SPTBN1: variants seen among roughly 807,000 people sequenced by gnomAD.
SPTBN1 encodes the protein spectrin beta chain, non-erythrocytic 1.
Under a neutral mutation model 266.4 loss-of-function variants are expected in SPTBN1, and 32 were observed. That is an observed-to-expected ratio of 0.12 (90% confidence interval 0.09 to 0.16). SPTBN1 has a LOEUF of 0.16. SPTBN1 is among the 10% of genes least tolerant of loss of function. The pLI, the probability that SPTBN1 is intolerant of heterozygous loss-of-function variation, is 1.00. For synonymous variants in SPTBN1, 1,336 were observed against 1,162.2 expected (o/e 1.15, Z -3.04); for missense variants, 2,296 against 3,067.1 (o/e 0.75, Z 5.94).
intron 2 of SPTBN1, among the ~76,000 whole-genome samples, chr2:54,578,828 A>G (rs1233599081): frequency 2.0e-5 from 3 of 151,844 alleles, no homozygotes; most frequent in African/African-American, 7.3e-5. Context: ...CCACTTCAAG[A>G]GTCCAGAATC....
chr2:54,643,431 G>C (rs554857155), intron 19 of SPTBN1, among the ~76,000 whole-genome samples: 3 of 152,322 alleles, frequency 2.0e-5, no homozygotes, highest in African/African-American at 7.2e-5. Flanking sequence ...CTCTCATGCA[G>C]GGATTCCACT....
At chr2:54,529,678 G>A (rs1211724813) in intron 2 of SPTBN1, 4 of 720,612 alleles carry the variant, frequency 5.6e-6, no homozygotes, top group Admixed American at 3.5e-5. Context: ...AGATCAAACA[G>A]GCTGTGAAGA....
chr2:54,578,524 A>G (rs1352658193), intron 2 of SPTBN1, among the ~76,000 whole-genome samples: 2 of 152,152 alleles, frequency 1.3e-5, no homozygotes, highest in Non-Finnish European at 2.9e-5. Context: ...TTGTGTTTTC[A>G]GGCCACCTTT....
At chr2:54,627,211 G>T (rs1052193121) in intron 12 of SPTBN1, among the ~76,000 whole-genome samples, 1 of 152,188 alleles carries the variant, frequency 6.6e-6, no homozygotes, top group South Asian at 2.1e-4. Flanking sequence ...CAGATTTACA[G>T]TGTTCTTAGG....
intron 1 of SPTBN1, among the ~76,000 whole-genome samples, chr2:54,514,231 A>G (rs1326786603): frequency 6.6e-6 from 1 of 152,228 alleles, no homozygotes; most frequent in Non-Finnish European, 1.5e-5. Flanking sequence ...ATACTGTATA[A>G]TAATGATAAT....
chr2:54,593,320 T>G (rs1011654568), intron 2 of SPTBN1, among the ~76,000 whole-genome samples: 6 of 152,202 alleles, frequency 3.9e-5, no homozygotes, highest in Non-Finnish European at 8.8e-5. Context: ...AGACCATTGT[T>G]AGGAGCCCTT....
intron 18 of SPTBN1, 68 bp downstream of exon 18, chr2:54,637,871 C>A: frequency 7.7e-7 from 1 of 1,298,456 alleles, no homozygotes. Context: ...GCATTTAGCA[C>A]AAGAGCCTTT....
intron 29 of SPTBN1, among the ~76,000 whole-genome samples, chr2:54,657,469 C>G (rs1261735699): frequency 6.6e-6 from 1 of 152,162 alleles, no homozygotes; most frequent in Non-Finnish European, 1.5e-5. Context: ...CTTGAAATGT[C>G]TCAAATTGAG....
chr2:54,508,618 T>A (rs1665049354), intron 1 of SPTBN1, among the ~76,000 whole-genome samples: 1 of 152,076 alleles, frequency 6.6e-6, no homozygotes, highest in South Asian at 2.1e-4. Context: ...GGAAGGAGAT[T>A]TTTCTTTGGT....
At chr2:54,636,537 T>C (rs1213171130) in intron 17 of SPTBN1, among the ~76,000 whole-genome samples, 3 of 152,230 alleles carry the variant, frequency 2.0e-5, no homozygotes, top group African/African-American at 4.8e-5. Context: ...CATGCATCTC[T>C]ACTCTAAGAT....
chr2:54,547,939 C>G (rs544030782), intron 2 of SPTBN1, among the ~76,000 whole-genome samples: 2 of 151,832 alleles, frequency 1.3e-5, no homozygotes, highest in Non-Finnish European at 2.9e-5. Flanking sequence ...GTCAGGAGAT[C>G]GAGACCATCC....
intron 1 of SPTBN1, among the ~76,000 whole-genome samples, chr2:54,479,453 TG>T (rs1185070344): frequency 1.3e-5 from 2 of 152,260 alleles, no homozygotes; most frequent in Non-Finnish European, 2.9e-5. Flanking sequence ...ACCCTGCCTC[TG>T]CTGGTTACTG....
chr2:54,541,556 A>G (rs969836446), intron 2 of SPTBN1, among the ~76,000 whole-genome samples: 2 of 152,126 alleles, frequency 1.3e-5, no homozygotes, highest in African/African-American at 2.4e-5. Context: ...GCATGCCCAC[A>G]TGTGGATTTT....
chr2:54,609,278 G>T (rs1677061729), intron 3 of SPTBN1, among the ~76,000 whole-genome samples: 1 of 152,142 alleles, frequency 6.6e-6, no homozygotes, highest in Non-Finnish European at 1.5e-5. Context: ...TGTGGTGTCT[G>T]ATAGCTCTTG....
chr2:54,505,558 G>A (rs1429322188), intron 1 of SPTBN1, among the ~76,000 whole-genome samples: 1 of 152,080 alleles, frequency 6.6e-6, no homozygotes, highest in African/African-American at 2.4e-5. Flanking sequence ...TCCCAGGAAG[G>A]CTCCTGAAGC....
intron 2 of SPTBN1, among the ~76,000 whole-genome samples, chr2:54,556,401 A>G (rs889856480): frequency 1.3e-5 from 2 of 152,212 alleles, no homozygotes; most frequent in African/African-American, 4.8e-5. Flanking sequence ...ATTATGTGCA[A>G]CCTGGTTAAT....
intron 2 of SPTBN1, among the ~76,000 whole-genome samples, chr2:54,586,419 T>C (rs1383252604): frequency 6.6e-6 from 1 of 152,230 alleles, no homozygotes; most frequent in Non-Finnish European, 1.5e-5. Context: ...ATTCCTCTTC[T>C]CATTAAGTGG....
At chr2:54,562,472 T>A (rs1383550402) in intron 2 of SPTBN1, among the ~76,000 whole-genome samples, 1 of 152,142 alleles carries the variant, frequency 6.6e-6, no homozygotes, top group East Asian at 1.9e-4. Flanking sequence ...CTTCTACATT[T>A]TGCCTCAAAT....
chr2:54,525,309 A>G (rs1412381241), intron 1 of SPTBN1, among the ~76,000 whole-genome samples: 1 of 151,950 alleles, frequency 6.6e-6, no homozygotes, highest in Admixed American at 6.6e-5. Context: ...CAATGGTATG[A>G]TGTCGGCTCA....
Sources: gnomAD v4.1 joint callset for allele counts (sites outside exome capture counted in the v4.1 genomes callset) on GRCh38, gnomAD v4.1.1 for gene constraint, MANE v1.5 for transcripts, NCBI Gene and HGNC (gene_info 2026-07-23, HGNC 2026-07-21) for gene names.